The following CELF4 variants were observed in gnomAD, a reference collection of about 807,000 sequenced individuals.
The protein encoded by CELF4 is CUGBP Elav-like family member 4.
Under a neutral mutation model 59.9 loss-of-function variants are expected in CELF4, and 18 were observed. That is an observed-to-expected ratio of 0.30 (90% CI 0.21 to 0.45). The LOEUF (loss-of-function observed/expected upper bound fraction) is 0.45. Ranked by LOEUF, CELF4 falls within the 20% of genes least tolerant of loss-of-function variation. The pLI is 1.00. For synonymous variants in CELF4, 261 were observed against 267.1 expected (o/e 0.98, Z 0.22); for missense variants, 456 against 689.0 (o/e 0.66, Z 3.79).
intron 1 of CELF4, among the ~76,000 whole-genome samples, chr18:37,545,641 G>A (rs935934570): frequency 4.6e-5 from 7 of 152,016 alleles, no homozygotes; most frequent in African/African-American, 1.7e-4. Flanking sequence ...CTCGCTGGTC[G>A]AGTCTGAGCA....
intron 2 of CELF4, among the ~76,000 whole-genome samples, chr18:37,435,042 C>A (rs184643245): frequency 6.6e-6 from 1 of 152,130 alleles, no homozygotes; most frequent in South Asian, 2.1e-4. Flanking sequence ...GGTCACCTGC[C>A]CACTCTAGTA....
intron 2 of CELF4, among the ~76,000 whole-genome samples, chr18:37,424,223 C>T (rs1211401904): frequency 1.3e-5 from 2 of 152,242 alleles, no homozygotes; most frequent in East Asian, 3.9e-4. Flanking sequence ...TTGACTTTAT[C>T]CCAAGAGGGC....
intron 2 of CELF4, among the ~76,000 whole-genome samples, chr18:37,335,502 T>C (rs2097736440): frequency 6.6e-6 from 1 of 152,008 alleles, no homozygotes. Context: ...TGTGTGTGTG[T>C]GTGTGTGTGT....
At chr18:37,471,479 C>G (rs1471546285) in intron 2 of CELF4, among the ~76,000 whole-genome samples, 1 of 152,128 alleles carries the variant, frequency 6.6e-6, no homozygotes, top group East Asian at 1.9e-4. Flanking sequence ...AGCCAGCGCC[C>G]CCTGTCCTCT....
chr18:37,366,973 T>A (rs138021699), intron 2 of CELF4, among the ~76,000 whole-genome samples: 1 of 152,094 alleles, frequency 6.6e-6, no homozygotes, highest in Non-Finnish European at 1.5e-5. Context: ...AAAACACCAT[T>A]GAAAAAGCCA....
chr18:37,485,648 C>T (rs776297827), intron 1 of CELF4, 41 bp from the exon 2 acceptor site: 32 of 1,300,430 alleles, frequency 2.5e-5, no homozygotes, highest in African/African-American at 3.1e-5. Context: ...CAGTGGGGCG[C>T]CCCCGGGCCC....
rs58122282 is a variant in CELF4 at position 37,283,419 on chromosome 18, C to T, written c.449-8176G>A. 7.9e-3 allele frequency among the ~76,000 whole-genome samples: 1,207 copies of T among 152,228 alleles called. 15 individuals are homozygous for T. Among genetic ancestry groups the T allele is most frequent in the African/African-American group, 0.027 (1,132 of 41,532 alleles). The stretch of plus-strand genomic sequence containing the variant: ...AAGTCTGGTAATATCATGTAAGGGG[C>T]TACACAGGCACACACACTCCATGCC... On this transcript the variant is annotated intron_variant, in intron 3 of 12. Coordinates refer to ENST00000420428, the MANE Select transcript of CELF4 (RefSeq NM_020180.4).
intron 4 of CELF4, 40 bp from the exon 5 acceptor site, chr18:37,274,924 G>A (rs773269585): frequency 1.3e-6 from 2 of 1,593,392 alleles, no homozygotes; most frequent in African/African-American, 1.3e-5. Flanking sequence ...CCCAGAAGCA[G>A]GGCCAGGGAG....
At chr18:37,266,410 C>G in intron 9 of CELF4, 123 bp downstream of exon 9, 2 of 1,039,862 alleles carry the variant, frequency 1.9e-6, no homozygotes, top group South Asian at 2.8e-5. Context: ...AGCCCTCCCT[C>G]TTTCCACTCT....
At chr18:37,301,827 T>G (rs1475875352) in intron 3 of CELF4, among the ~76,000 whole-genome samples, 1 of 152,190 alleles carries the variant, frequency 6.6e-6, no homozygotes. Context: ...TTAATTGATC[T>G]TATCCACACA....
At chr18:37,311,079 T>C (rs1354377787) in intron 3 of CELF4, among the ~76,000 whole-genome samples, 1 of 151,828 alleles carries the variant, frequency 6.6e-6, no homozygotes, top group African/African-American at 2.4e-5. Context: ...AAACAATCCT[T>C]TGCTAAATTA....
intron 3 of CELF4, among the ~76,000 whole-genome samples, chr18:37,301,486 A>C (rs1486141089): frequency 6.6e-6 from 1 of 152,166 alleles, no homozygotes; most frequent in African/African-American, 2.4e-5. Context: ...GCTACCACAA[A>C]GTCCCAGGGA....
intron 1 of CELF4, among the ~76,000 whole-genome samples, chr18:37,515,031 C>A (rs1433077971): frequency 4.6e-5 from 7 of 152,188 alleles, no homozygotes; most frequent in African/African-American, 1.7e-4. Context: ...TTTAACAAAT[C>A]CTCATCCTTT....
chr18:37,357,744 G>C (rs1421920170), intron 2 of CELF4, among the ~76,000 whole-genome samples: 2 of 152,220 alleles, frequency 1.3e-5, no homozygotes, highest in Admixed American at 6.5e-5. Flanking sequence ...GGGTGGAGCT[G>C]CCCAAGACCA....
chr18:37,289,900 C>T (rs924896159), intron 3 of CELF4, among the ~76,000 whole-genome samples: 4 of 152,176 alleles, frequency 2.6e-5, no homozygotes, highest in Non-Finnish European at 5.9e-5. Context: ...TGGGCATTGC[C>T]CTCTTCAGGG....
intron 3 of CELF4, among the ~76,000 whole-genome samples, chr18:37,296,149 G>C (rs1353394203): frequency 1.3e-5 from 2 of 152,138 alleles, no homozygotes; most frequent in Non-Finnish European, 2.9e-5. Context: ...TATCTTTTTG[G>C]CTTGTTTGTT....
At chr18:37,328,005 G>A (rs546092387) in intron 2 of CELF4, among the ~76,000 whole-genome samples, 15 of 152,316 alleles carry the variant, frequency 9.8e-5, no homozygotes, top group Middle Eastern at 3.4e-3. Flanking sequence ...TCTCTCATGC[G>A]TGTGTGCATG....
chr18:37,543,537 C>T (rs1033399189), intron 1 of CELF4, among the ~76,000 whole-genome samples: 19 of 152,040 alleles, frequency 1.2e-4, no homozygotes, highest in Non-Finnish European at 1.9e-4. Context: ...GCCTCCTGCT[C>T]CTCACATGAT....
chr18:37,277,635 A>G (rs2093539316), intron 3 of CELF4, among the ~76,000 whole-genome samples: 1 of 152,160 alleles, frequency 6.6e-6, no homozygotes, highest in South Asian at 2.1e-4. Flanking sequence ...CAGAGGAAAG[A>G]CTAGGGAGCC....
Sources: gnomAD v4.1 joint callset for allele counts (sites outside exome capture counted in the v4.1 genomes callset) on GRCh38, gnomAD v4.1.1 for gene constraint, MANE v1.5 for transcripts, NCBI Gene and HGNC (gene_info 2026-07-23, HGNC 2026-07-21) for gene names.